The following SCRIB variants were observed in gnomAD, a reference collection of about 807,000 sequenced individuals.
SCRIB encodes the protein scribble planar cell polarity protein.
SCRIB carries 72 observed loss-of-function variants against 170.0 expected under a neutral mutation model. The ratio of observed to expected loss-of-function variants is 0.42; its 90% CI spans 0.35 to 0.52. The LOEUF is 0.52. Ranked by LOEUF, SCRIB falls within the 20% of genes least tolerant of loss-of-function variation. The pLI, the probability that SCRIB is intolerant of heterozygous loss-of-function variation, is 0.02. For missense variants in SCRIB, 2,475 were observed against 2,338.5 expected (o/e 1.06, Z -1.20); for synonymous variants, 1,298 against 1,044.3 (o/e 1.24, Z -4.68).
chr8:143,792,391 G>T lies in SCRIB; in HGVS notation c.4343C>A (p.Ser1448Tyr), dbSNP rs1443844039. ...GGCGCCACCTCCCAGGGGTGGGGGG[G>T]ACGCCGGGCTCTGCCTGGGGAAGGG... is the stretch of plus-strand genomic sequence containing the variant. ...PSPTSRQSPA[S>Y]PPPLGGGAPV... Residue 1448 changes from serine (S) to tyrosine (Y), a missense_variant, in exon 32 of 37, where the codon TCC becomes TAC. Ser to Tyr is a moderately radical substitution (Grantham distance 144). Around this residue, in one of 3 missense-constraint regions of SCRIB, gnomAD observed 1,966 missense variants for 1,742.9 expected, o/e 1.13. Coordinates refer to ENST00000356994, the MANE Select transcript of SCRIB (RefSeq NM_182706.5). 1.3e-6 allele frequency: 2 copies of T among 1,505,314 alleles called. No individual in the cohort carries two copies. The highest frequency in any genetic ancestry group is 1.8e-6 in the Non-Finnish European group (2 of 1,131,656). 93.2% of individuals were successfully genotyped at this position (1,505,314 alleles called of 1,614,324 possible). A position where few individuals can be genotyped will look rare whatever the true frequency, so the allele number is the denominator to read the frequency against.
At chr8:143,806,843 C>G in intron 17 of SCRIB, 81 bp downstream of exon 17, 2 of 1,014,340 alleles carry the variant, frequency 2.0e-6, no homozygotes, top group South Asian at 1.5e-5. Context: ...GTTCTCAGGG[C>G]AAGGGGCCTG....
chr8:143,791,343 G>A (rs782770759), intron 36 of SCRIB, 35 bp from the exon 37 acceptor site: 2 of 1,594,366 alleles, frequency 1.3e-6, no homozygotes, highest in South Asian at 2.3e-5. Context: ...GTGAGCTGAG[G>A]GCAGCTGGGC....
chr8:143,803,839 T>G lies in SCRIB; in HGVS notation c.3222A>C (p.Ala1074=). 6.2e-7 allele frequency: 1 copy of G among 1,603,054 alleles called. No individual in the cohort carries two copies. Among genetic ancestry groups the G allele is most frequent in the Non-Finnish European group, 8.5e-7 (1 of 1,177,754 alleles). ...QDVRDATHQE[A]VSALLRPCLE... is the part of the protein sequence containing the mutation. Reference sequence around the variant, plus strand: ...GGCAGGGCCGGAGCAGGGCACTGACTGCTTCTTGGTGCGTGGCATCCCGCA... The same window carrying G: ...GGCAGGGCCGGAGCAGGGCACTGACGGCTTCTTGGTGCGTGGCATCCCGCA... The change falls in exon 23 of 37, where the codon GCA becomes GCC. Residue 1074 remains alanine, a synonymous_variant. Transcript: ENST00000356994.
chr8:143,813,270 G>A, intron 6 of SCRIB, 41 bp downstream of exon 6: 14 of 1,611,322 alleles, frequency 8.7e-6, no homozygotes, highest in Non-Finnish European at 1.2e-5. Flanking sequence ...TTGCTTCCGT[G>A]GCCCGCCCTC....
chr8:143,815,105 C>T (rs543005566), intron 1 of SCRIB, 109 bp downstream of exon 1: 2 of 1,310,956 alleles, frequency 1.5e-6, no homozygotes, highest in African/African-American at 3.1e-5. Context: ...CAGTGCAAAC[C>T]AGCAGGGCCG....
chr8:143,814,044 C>A lies in SCRIB; in HGVS notation c.234G>T (p.Val78=). 2.6e-6 allele frequency: 4 copies of A among 1,561,936 alleles called. No individual in the cohort carries two copies. The highest frequency in any genetic ancestry group is 2.6e-6 in the Non-Finnish European group (3 of 1,152,442). The change falls in exon 2 of 37, where the codon GTG becomes GTT. Residue 78 remains valine, a synonymous_variant. Transcript: ENST00000356994. ...GCTCCACCAGCTGCATGAAGTTGGCCACCTCGGGAGGCAACCGCTGGATCT... is the reference window on the plus strand; with the variant it reads ...GCTCCACCAGCTGCATGAAGTTGGCAACCTCGGGAGGCAACCGCTGGATCT... ...DNEIQRLPPE[V]ANFMQLVELD...
chr8:143,812,473 G>A (rs1015653886), intron 8 of SCRIB, 89 bp from the exon 9 acceptor site: 5 of 957,794 alleles, frequency 5.2e-6, no homozygotes, highest in Admixed American at 1.7e-5. Context: ...AAGGCAGACA[G>A]CAAGGCCCCC....
rs1197001128 is a variant in SCRIB at position 143,792,869 on chromosome 8, TG to T, written c.4018-3del. On this transcript the variant is annotated splice_region_variant and splice_polypyrimidine_tract_variant and intron_variant, in intron 29 of 36. Coordinates refer to ENST00000356994, the MANE Select transcript of SCRIB (RefSeq NM_182706.5). ...GGCTGCAGGCCCAGGCGTGGGGGGC[TG>T]GGGGGAGCGGACCTTGAGGTTTGGC... 4.6e-6 allele frequency: 7 copies of T among 1,505,640 alleles called. No homozygotes were observed. Among genetic ancestry groups the T allele is most frequent in the African/African-American group, 2.8e-5 (2 of 71,608 alleles). 93.3% of individuals were successfully genotyped at this position (1,505,640 alleles called of 1,614,324 possible).
At chr8:143,802,777 G>A (rs899594351) in intron 24 of SCRIB, among the ~76,000 whole-genome samples, 4 of 152,232 alleles carry the variant, frequency 2.6e-5, no homozygotes, top group African/African-American at 9.6e-5. Context: ...TGGTGGGGAG[G>A]ACTCCTGGGG....
intron 28 of SCRIB, 109 bp downstream of exon 28, chr8:143,793,791 C>G: frequency 9.1e-7 from 1 of 1,098,124 alleles, no homozygotes; most frequent in Non-Finnish European, 1.3e-6. Context: ...AACAGCACCC[C>G]ACGATGGCCC....
intron 27 of SCRIB, 113 bp from the exon 28 acceptor site, chr8:143,794,075 C>T: frequency 1.0e-6 from 1 of 953,568 alleles, no homozygotes; most frequent in Non-Finnish European, 1.6e-6. Flanking sequence ...TTCAGTTCCC[C>T]AACCTGACTA....
intron 1 of SCRIB, 46 bp downstream of exon 1, chr8:143,815,168 G>A (rs761962079): frequency 2.0e-6 from 3 of 1,493,756 alleles, no homozygotes; most frequent in Admixed American, 2.1e-5. Context: ...GAGGAATCAC[G>A]GGCTGGGGGC....
In SCRIB at chr8:143,792,031, G is replaced by C; in HGVS notation, c.4617C>G (p.Ala1539=). The C allele has an allele frequency of 6.4e-7, 1 of 1,568,724 alleles. No homozygotes were observed. Among genetic ancestry groups the C allele is most frequent in the Non-Finnish European group, 8.6e-7 (1 of 1,160,998 alleles). ...TRGPLERLAE[A]PSPAPTPSPT... ...GCGACGGGGTGGGCGCAGGGGAAGG[G>C]GCCTCGGCCAGTCGCTCCAGGGGCC... Residue 1539 remains alanine, a synonymous_variant, in exon 33 of 37, where the codon GCC becomes GCG. Coordinates refer to ENST00000356994, the MANE Select transcript of SCRIB (RefSeq NM_182706.5).
Position 143,812,398 on chromosome 8 carries a change from G to T in SCRIB, c.788-14C>A. 1.3e-6 allele frequency: 2 copies of T among 1,575,098 alleles called. No homozygotes were observed. Among genetic ancestry groups the T allele is most frequent in the Non-Finnish European group, 1.7e-6 (2 of 1,144,838 alleles). ...GCTTCAGCTGACCTGGCGTCGGGGA[G>T]ACAGGGGGACAAGGCTGAGCATGGT... is the stretch of plus-strand genomic sequence containing the variant. On this transcript the variant is annotated splice_polypyrimidine_tract_variant and intron_variant, in intron 8 of 36. Transcript: ENST00000356994.
In SCRIB at chr8:143,809,651, T is replaced by G. The variant is rs1311759917; in HGVS notation, c.1598A>C (p.Glu533Ala). The G allele has an allele frequency of 2.5e-6, 4 of 1,611,228 alleles. No individual in the cohort carries two copies. Among genetic ancestry groups the G allele is most frequent in the Non-Finnish European group, 3.4e-6 (4 of 1,179,918 alleles). Residue 533 changes from glutamate (E) to alanine (A), a missense_variant, in exon 14 of 37, where the codon GAG (glutamate) becomes GCG (alanine). This residue lies in a region of SCRIB where 1,966 missense variants were observed against 1,742.9 expected (regional missense o/e 1.13). Transcript: ENST00000356994. ...AGCCGACGGGCCCTCGGGCTCAGCC[T>G]CAGAGACTGTGCTGGCAGATGGGCG... is the stretch of plus-strand genomic sequence containing the variant. ...DSRPSASTVS[E>A]AEPEGPSAEA... is the part of the protein sequence containing the mutation.
At chr8:143,813,779 C>A in intron 3 of SCRIB, 39 bp downstream of exon 3, 1 of 1,610,368 alleles carries the variant, frequency 6.2e-7, no homozygotes, top group African/African-American at 1.3e-5. Context: ...GCTGTGGGAC[C>A]CATAGCCCCT....
intron 9 of SCRIB, among the ~76,000 whole-genome samples, chr8:143,811,863 C>T (rs1815741931): frequency 6.6e-6 from 1 of 152,186 alleles, no homozygotes; most frequent in South Asian, 2.1e-4. Flanking sequence ...GGGATAGCAA[C>T]ACCACCGTCC....
intron 27 of SCRIB, among the ~76,000 whole-genome samples, chr8:143,794,731 C>A (rs868945523): frequency 9.9e-5 from 15 of 152,140 alleles, no homozygotes; most frequent in Admixed American, 9.8e-4. Context: ...CTCGCACCCT[C>A]TGGGGCTGGG....
intron 9 of SCRIB, among the ~76,000 whole-genome samples, chr8:143,811,807 T>C (rs1203500240): frequency 6.6e-6 from 1 of 152,034 alleles, no homozygotes; most frequent in African/African-American, 2.4e-5. Flanking sequence ...GAAACTCCCA[T>C]GAACACCCTC....
Sources: allele counts gnomAD v4.1 joint callset (sites outside exome capture counted in the v4.1 genomes callset), GRCh38; gene constraint gnomAD v4.1.1; regional missense constraint gnomAD v4.1.1; transcripts MANE v1.5; gene names NCBI Gene and HGNC (gene_info 2026-07-23, HGNC 2026-07-21).